Variants in SMG5 observed in about 807,000 individuals in gnomAD.
SMG5 encodes the protein nonsense-mediated mRNA decay factor SMG5.
In SMG5, 53 loss-of-function variants were observed where a neutral mutation model predicts 122.9. The ratio of observed to expected loss-of-function variants is 0.43; its 90% CI spans 0.35 to 0.54. The LOEUF is 0.54. SMG5 is among the 20% of genes least tolerant of loss of function. The probability of loss-of-function intolerance (pLI) is 0.01; values close to 1 mark genes in which losing one functional copy is unlikely to be tolerated. For missense variants in SMG5, 1,153 were observed against 1,285.6 expected, an observed-to-expected ratio of 0.90 and a Z score of 1.58; for synonymous variants, 477 against 490.2, an observed-to-expected ratio of 0.97 and a Z score of 0.35.
chr1:156,270,836 G>A (rs933931456), intron 7 of SMG5, among the ~76,000 whole-genome samples: 3 of 151,946 alleles, frequency 2.0e-5, no homozygotes, highest in South Asian at 2.1e-4. Context: ...GGAGAAACCC[G>A]GTCTCTACTA....
At position 156,277,957 on chromosome 1, in the gene SMG5, C is replaced by T; in HGVS notation, c.265G>A (p.Glu89Lys). 6.2e-7 allele frequency: 1 copy of T among 1,614,122 alleles called. No individual in the cohort carries two copies. The highest frequency in any genetic ancestry group is 8.5e-7 in the Non-Finnish European group (1 of 1,179,996). ...EELLWRKVYY[E>K]VIQLIKTNKK... ...TTAGTCTTGATAAGCTGGATAACTT[C>T]ATAGTATACCTTTCTCCACAGCAGC... Residue 89 changes from glutamate to lysine, a missense_variant, in exon 3 of 22, where the codon GAA becomes AAA. Around this residue, in one of 5 missense-constraint regions of SMG5, gnomAD observed 213 missense variants for 197.5 expected, o/e 1.08. Coordinates refer to ENST00000361813, the MANE Select transcript of SMG5 (RefSeq NM_015327.3).
Position 156,250,294 on chromosome 1 carries a change from C to T in SMG5, c.*293G>A. 2.2e-6 allele frequency: 1 copy of T among 444,772 alleles called. No individual in the cohort carries two copies. The highest frequency in any genetic ancestry group is 2.5e-5 in the South Asian group (1 of 40,418). The allele number at this position is 444,772 out of a possible 1,614,324, so 27.6% of individuals were successfully genotyped here. Reference sequence around the variant, plus strand: ...AGTGAAATGCAGGTACCCATGCCTACCACCTGCCCCTGGAGACAGCAGGGG... The same window carrying T: ...AGTGAAATGCAGGTACCCATGCCTATCACCTGCCCCTGGAGACAGCAGGGG... On this transcript the variant is annotated 3_prime_UTR_variant, in exon 22 of 22. Coordinates refer to ENST00000361813, the MANE Select transcript of SMG5 (RefSeq NM_015327.3).
chr1:156,255,454 G>A (rs925094864), intron 16 of SMG5, among the ~76,000 whole-genome samples: 5 of 152,094 alleles, frequency 3.3e-5, no homozygotes, highest in African/African-American at 9.7e-5. Flanking sequence ...CAGGAGAATC[G>A]CTTGAACCCG....
At chr1:156,289,907 C>G in the SMG5 span, among the ~76,000 whole-genome samples, 3 of 152,210 alleles carry the variant, frequency 2.0e-5, no homozygotes, top group South Asian at 2.1e-4. Flanking sequence ...GAGGTGGCTT[C>G]TTTGCTCTCC....
rs759658088 is a variant in SMG5 at position 156,263,531 on chromosome 1, C to G, written c.1895G>C (p.Ser632Thr). The G allele has an allele frequency of 6.2e-7, 1 of 1,614,224 alleles. No homozygotes were observed. Among genetic ancestry groups the G allele is most frequent in the South Asian group, 1.1e-5 (1 of 91,090 alleles). ...GCGCTCATTCCGACAGGAGCGTCCA[C>G]TGGACTCACTCCCCTCCGACTCAGA... Reference protein sequence around the residue: ...EGSESEGSESSGRSCRNERSI... With the variant: ...EGSESEGSESTGRSCRNERSI... The change falls in exon 13 of 22, where the codon AGT (serine) becomes ACT (threonine). Residue 632 changes from serine to threonine, a missense_variant. Around this residue, in one of 5 missense-constraint regions of SMG5, gnomAD observed 631 missense variants for 650.6 expected, o/e 0.97. Coordinates refer to ENST00000361813, the MANE Select transcript of SMG5 (RefSeq NM_015327.3).
At chr1:156,285,813 A>G (rs1424899420), upstream of SMG5, 1 of 1,613,676 alleles carries the variant, frequency 6.2e-7, no homozygotes, top group Non-Finnish European at 8.5e-7. Context: ...GGAGACCGTG[A>G]GTGGCTAAGG....
chr1:156,278,309 C>CT, intron 2 of SMG5, among the ~76,000 whole-genome samples: 1 of 151,832 alleles, frequency 6.6e-6, no homozygotes, highest in African/African-American at 2.4e-5. Context: ...TTTTTCTCTG[C>CT]TTTTTTATCC....
chr1:156,264,267 C>CAAAAAAA (rs1205363773), intron 12 of SMG5, among the ~76,000 whole-genome samples: 5 of 53,978 alleles, frequency 9.3e-5, no homozygotes, highest in Non-Finnish European at 9.4e-5. Flanking sequence ...GACTCCGTCT[C>CAAAAAAA]AAAAAAAAAA....
In SMG5 at chr1:156,268,623, T is replaced by C. The variant is rs562649657; in HGVS notation, c.714-208A>G. Among the ~76,000 whole-genome samples, 4 of 152,330 alleles carry C rather than the reference T, an allele frequency of 2.6e-5. No individual in the cohort carries two copies. The East Asian group carries it at 7.7e-4, about 29-fold the overall frequency. ...TAGATTAGTCAGAGGAAAAACGATG[T>C]CTTACTCTGCTTTGTATCTAGAAAG... On this transcript the variant is annotated intron_variant, in intron 7 of 21. Coordinates refer to ENST00000361813, the MANE Select transcript of SMG5 (RefSeq NM_015327.3).
rs1661319186 is a variant in SMG5, at chr1:156,250,917, C to G, written c.2908G>C (p.Val970Leu). ...AGTGGAAGGCCTGTGATGATGGTCA[C>G]CATGCCACTCGGATCCTCCTCACCT... is the stretch of plus-strand genomic sequence containing the variant. The part of the protein sequence containing the change: ...GAGEEDPSGM[V>L]TIITGLPLDN... Residue 970 changes from valine to leucine, a missense_variant, in exon 21 of 22, where the codon GTG (valine) becomes CTG (leucine). Physicochemically the swap from Val to Leu is conservative, Grantham distance 32 (BLOSUM62 1). Transcript: ENST00000361813. 2.5e-6 allele frequency: 4 copies of G among 1,613,976 alleles called. No homozygotes were observed. Among genetic ancestry groups the G allele is most frequent in the Non-Finnish European group, 3.4e-6 (4 of 1,179,914 alleles).
chr1:156,287,266 A>G (rs1327529283), upstream of SMG5, among the ~76,000 whole-genome samples: 1 of 152,008 alleles, frequency 6.6e-6, no homozygotes, highest in Non-Finnish European at 1.5e-5. Context: ...AATACAAAAA[A>G]TTAGCCGGGT....
intron 1 of SMG5, among the ~76,000 whole-genome samples, chr1:156,280,245 G>A (rs2101575164): frequency 6.6e-6 from 1 of 152,288 alleles, no homozygotes; most frequent in South Asian, 2.1e-4. Context: ...GGAGCTATAA[G>A]AACATGTGAA....
intron 4 of SMG5, 38 bp downstream of exon 4, chr1:156,277,047 G>A (rs1662714108): frequency 1.9e-6 from 3 of 1,600,676 alleles, no homozygotes. Flanking sequence ...GTAGAAGCAT[G>A]AGAACCTGCT....
chr1:156,285,565 G>A, upstream of SMG5: 1 of 1,614,232 alleles, frequency 6.2e-7, no homozygotes, highest in Non-Finnish European at 8.5e-7. Flanking sequence ...TAGAGGAGCT[G>A]CCCGAAGACG....
intron 13 of SMG5, among the ~76,000 whole-genome samples, chr1:156,262,363 C>T (rs928478093): frequency 6.6e-6 from 1 of 151,496 alleles, no homozygotes; most frequent in African/African-American, 2.4e-5. Context: ...GTAGTCCCAG[C>T]TACTCGGGAG....
chr1:156,258,356 G>A (rs1435850317), intron 16 of SMG5, among the ~76,000 whole-genome samples: 2 of 152,242 alleles, frequency 1.3e-5, no homozygotes, highest in African/African-American at 4.8e-5. Flanking sequence ...TCCATAAAGT[G>A]GATTCTGTTT....
At chr1:156,256,972 G>A (rs1033502854) in intron 16 of SMG5, among the ~76,000 whole-genome samples, 8 of 150,162 alleles carry the variant, frequency 5.3e-5, no homozygotes. Context: ...TGTCGCTGAG[G>A]CTGGAGTGCA....
Position 156,253,091 on chromosome 1 carries a change from G to A in SMG5, c.2503-13C>T. The A allele has an allele frequency of 6.3e-7, 1 of 1,588,972 alleles. No homozygotes were observed. The highest frequency in any genetic ancestry group is 8.6e-7 in the Non-Finnish European group (1 of 1,166,906). On this transcript the variant is annotated splice_polypyrimidine_tract_variant and intron_variant, in intron 17 of 21. Transcript: ENST00000361813. Reference sequence around the variant, plus strand: ...GAGACACTTCGAGCTGGTGAGAGAGGGCAAGGTGGGTACAGCTGTGGGGGA... The same window carrying A: ...GAGACACTTCGAGCTGGTGAGAGAGAGCAAGGTGGGTACAGCTGTGGGGGA...
In SMG5 at chr1:156,263,525, C is replaced by T. The variant is rs761614813; in HGVS notation, c.1901G>A (p.Arg634His). The T allele has an allele frequency of 5.6e-6, 9 of 1,614,224 alleles. No homozygotes were observed. The highest frequency in any genetic ancestry group is 1.7e-5 in the Admixed American group (1 of 60,030). ...GATGCTGCGCTCATTCCGACAGGAG[C>T]GTCCACTGGACTCACTCCCCTCCGA... Reference protein sequence around the residue: ...SESEGSESSGRSCRNERSIQE... With the variant: ...SESEGSESSGHSCRNERSIQE... The change falls in exon 13 of 22, where the codon CGC (arginine) becomes CAC (histidine). Residue 634 changes from arginine (R) to histidine (H), a missense_variant. By Grantham distance (29) the Arg-to-His change is conservative (BLOSUM62 0). Coordinates refer to ENST00000361813, the MANE Select transcript of SMG5 (RefSeq NM_015327.3).
Sources: allele counts gnomAD v4.1 joint callset (sites outside exome capture counted in the v4.1 genomes callset), GRCh38; gene constraint gnomAD v4.1.1; regional missense constraint gnomAD v4.1.1; transcripts MANE v1.5; gene names NCBI Gene and HGNC (gene_info 2026-07-23, HGNC 2026-07-21).